TFEB: variants seen among roughly 807,000 people sequenced by gnomAD.
TFEB encodes the protein T-cell transcription factor EB.
A neutral mutation model predicts 48.0 loss-of-function variants in TFEB; 12 were observed. The observed-to-expected ratio is 0.25, with a 90% confidence interval of 0.16 to 0.40. The LOEUF is 0.40. TFEB is among the 10% of genes least tolerant of loss of function. The pLI is 1.00. For synonymous variants in TFEB, 244 were observed against 261.4 expected (o/e 0.93, Z 0.64); for missense variants, 509 against 640.3 (o/e 0.79, Z 2.21).
chr6:41,691,457 GTCT>G lies in TFEB; in HGVS notation c.-22-225_-22-223del. 2 of 712,154 alleles carry G rather than the reference GTCT, an allele frequency of 2.8e-6. No homozygotes were observed. Among genetic ancestry groups the G allele is most frequent in the Non-Finnish European group, 5.2e-6 (2 of 383,146 alleles). 44.1% of individuals were successfully genotyped at this position (712,154 alleles called of 1,614,324 possible). On this transcript the variant is annotated intron_variant, in intron 1 of 8. Transcript: ENST00000373033. This position sits in a 1 kb window ranked among gnomAD's most constrained non-coding sequence, Gnocchi z 5.2. ...TTCCTGGACCAAAACTGAAGGTTCT[GTCT>G]TCTTCACTCATTGCAGTTGGTAAAT...
rs780428161 is a variant in TFEB, at chr6:41,684,682, G to A, written c.1348C>T (p.Leu450Phe). 2 of 1,613,588 alleles carry A rather than the reference G, an allele frequency of 1.2e-6. No individual in the cohort carries two copies. The highest frequency in any genetic ancestry group is 2.2e-5 in the East Asian group (1 of 44,868). ...DSLLPLASDPLLSTMSPEASK... is the reference protein window; with the variant it reads ...DSLLPLASDPFLSTMSPEASK... ...GCCTCGGGGGACATGGTGGACAGAA[G>A]TGGATCAGAGGCCAGCGGTAGCAGT... Residue 450 changes from leucine (L) to phenylalanine (F), a missense_variant, in exon 9 of 9, where the codon CTT (leucine) becomes TTT (phenylalanine). This residue lies in a region of TFEB where 168 missense variants were observed against 161.0 expected (regional missense o/e 1.04). Coordinates refer to ENST00000373033, the MANE Select transcript of TFEB (RefSeq NM_001271944.2).
chr6:41,706,509 C>T (rs1160980753), intron 1 of TFEB, among the ~76,000 whole-genome samples: 5 of 150,962 alleles, frequency 3.3e-5, no homozygotes, highest in African/African-American at 4.9e-5. Context: ...ACCCTTACAC[C>T]CCCCCACCCC....
chr6:41,687,982 T>C lies in TFEB; in HGVS notation c.596A>G (p.Gln199Arg). ...SHLNVYSSDP[Q>R]VTASLVGVTS... The stretch of plus-strand genomic sequence containing the variant: ...GACGCCCACCAGGGAGGCTGTGACC[T>C]GGGGGTCGCTGCTGTACACATTCAG... Residue 199 changes from glutamine to arginine, a missense_variant, in exon 5 of 9, where the codon CAG becomes CGG. Gln to Arg is a conservative substitution (Grantham distance 43, BLOSUM62 1). This residue lies in a region of TFEB where 251 missense variants were observed against 317.2 expected (regional missense o/e 0.79). Coordinates refer to ENST00000373033, the MANE Select transcript of TFEB (RefSeq NM_001271944.2). The C allele has an allele frequency of 5.6e-6, 9 of 1,613,798 alleles. No homozygotes were observed. Among genetic ancestry groups the C allele is most frequent in the Non-Finnish European group, 7.6e-6 (9 of 1,179,912 alleles).
chr6:41,684,672 G>A lies in TFEB; in HGVS notation c.1358C>T (p.Thr453Ile), dbSNP rs1168548008. The change falls in exon 9 of 9, where the codon ACC becomes ATC. Residue 453 changes from threonine (T) to isoleucine (I), a missense_variant. This residue lies in a region of TFEB where 168 missense variants were observed against 161.0 expected (regional missense o/e 1.04). Transcript: ENST00000373033. ...LPLASDPLLS[T>I]MSPEASKASS... is the part of the protein sequence containing the mutation. ...GGCCTTGGAGGCCTCGGGGGACATG[G>A]TGGACAGAAGTGGATCAGAGGCCAG... 3 of 1,613,120 alleles carry A rather than the reference G, an allele frequency of 1.9e-6. No individual in the cohort carries two copies. In the East Asian group the frequency reaches 6.7e-5, roughly 36 times the overall value.
rs2127449445 is a variant in TFEB at position 41,691,602 on chromosome 6, C to T, written c.-22-367G>A. ...TGCCACAAGGTGGGCCCAGCCTATC[C>T]TGGGTCTTACCTGGAATCCCGCAGG... is the stretch of plus-strand genomic sequence containing the variant. On this transcript the variant is annotated intron_variant, in intron 1 of 8. Coordinates refer to ENST00000373033, the MANE Select transcript of TFEB (RefSeq NM_001271944.2). The surrounding 1 kb of genome is among the most constrained non-coding windows in gnomAD (Gnocchi z 5.2). 5 of 438,782 alleles carry T rather than the reference C, an allele frequency of 1.1e-5. No individual in the cohort carries two copies. The highest frequency in any genetic ancestry group is 1.0e-4 in the South Asian group (5 of 48,566). The allele number at this position is 438,782 out of a possible 1,614,324, so 27.2% of individuals were successfully genotyped here.
At chr6:41,688,136 G>T in intron 4 of TFEB, 108 bp from the exon 5 acceptor site, 1 of 1,386,580 alleles carries the variant, frequency 7.2e-7, no homozygotes, top group Non-Finnish European at 9.7e-7. Context: ...CACCTGGAGT[G>T]TCAAAATTCA....
chr6:41,735,790 C>A (rs1771657355), upstream of TFEB, among the ~76,000 whole-genome samples: 1 of 152,192 alleles, frequency 6.6e-6, no homozygotes, highest in Admixed American at 6.5e-5. Context: ...AACCTCTGAT[C>A]CACTTCTACC....
At chr6:41,728,682 AG>A (rs979861592) in intron 1 of TFEB, among the ~76,000 whole-genome samples, 1 of 143,222 alleles carries the variant, frequency 7.0e-6, no homozygotes, top group Non-Finnish European at 1.5e-5. Flanking sequence ...GAACTCGGGG[AG>A]GGGGGGTTGG....
intron 1 of TFEB, among the ~76,000 whole-genome samples, chr6:41,731,708 C>T (rs926546450): frequency 3.3e-5 from 5 of 152,340 alleles, no homozygotes; most frequent in African/African-American, 1.2e-4. Context: ...CCATTCTCAC[C>T]CAATGATCCC....
chr6:41,709,630 G>T (rs1770393641), intron 1 of TFEB, among the ~76,000 whole-genome samples: 1 of 150,978 alleles, frequency 6.6e-6, no homozygotes, highest in Non-Finnish European at 1.5e-5. Context: ...ATAATGGTGG[G>T]TGGATGGATG....
At chr6:41,725,880 G>C (rs1771184571) in intron 1 of TFEB, among the ~76,000 whole-genome samples, 1 of 152,226 alleles carries the variant, frequency 6.6e-6, no homozygotes, top group African/African-American at 2.4e-5. Context: ...AGGAGCAACA[G>C]GAACTCTGTG....
rs776645797 is a variant in TFEB at position 41,690,994 on chromosome 6, G to T, written c.213+7C>A. The T allele has an allele frequency of 5.1e-6, 8 of 1,574,922 alleles. No individual in the cohort carries two copies. In the African/African-American group the frequency reaches 9.4e-5, roughly 19 times the overall value. On this transcript the variant is annotated splice_region_variant and intron_variant, in intron 2 of 8. Transcript: ENST00000373033. The stretch of plus-strand genomic sequence containing the variant: ...CAGGGTGGGGGGCAGGCCAGAACAG[G>T]CCCTACCTTCAACACCTCCCCAGGC...
intron 3 of TFEB, 39 bp downstream of exon 3, chr6:41,690,624 T>C (rs776643122): frequency 6.7e-7 from 1 of 1,487,884 alleles, no homozygotes; most frequent in Non-Finnish European, 8.9e-7. Flanking sequence ...GGGCACGAGC[T>C]CTGCAAGCAG....
Position 41,723,846 on chromosome 6 carries a change from T to C in TFEB, c.-23+11504A>G. 1 of 466,838 alleles carries C rather than the reference T, an allele frequency of 2.1e-6. No homozygotes were observed. Among genetic ancestry groups the C allele is most frequent in the Non-Finnish European group, 4.3e-6 (1 of 232,920 alleles). 28.9% of individuals were successfully genotyped at this position (466,838 alleles called of 1,614,324 possible). On this transcript the variant is annotated intron_variant, in intron 1 of 8. Transcript: ENST00000373033. This position sits in a 1 kb window ranked among gnomAD's most constrained non-coding sequence, Gnocchi z 6.0. ...CTGACCTCAGAGGGCCCTAGGCAGA[T>C]GGAGAGACACAGAGCAGCAAGAATT...
rs982686096 is a variant in TFEB at position 41,691,360 on chromosome 6, A to T, written c.-22-125T>A. On this transcript the variant is annotated intron_variant, in intron 1 of 8. Transcript: ENST00000373033. This position sits in a 1 kb window ranked among gnomAD's most constrained non-coding sequence, Gnocchi z 5.2. ...TTAGAGGAGAAGACACCGAGCCCTG[A>T]GAGGGGAAGAGATTTGCCCAAGGTC... 4.1e-6 allele frequency: 4 copies of T among 982,506 alleles called. No homozygotes were observed. Among genetic ancestry groups the T allele is most frequent in the Non-Finnish European group, 6.4e-6 (4 of 628,498 alleles). The allele number at this position is 982,506 out of a possible 1,614,324, so 60.9% of individuals were successfully genotyped here. A position where few individuals can be genotyped will look rare whatever the true frequency, so the allele number is the denominator to read the frequency against.
rs969157380 is a variant in TFEB at position 41,730,846 on chromosome 6, C to G, written c.-23+4504G>C. ...AGGCCAGATGCTACCCAGGGAAACC[C>G]AAGTGGCAGGGCAGGGGTGGTAGAG... is the stretch of plus-strand genomic sequence containing the variant. On this transcript the variant is annotated intron_variant, in intron 1 of 8. Coordinates refer to ENST00000373033, the MANE Select transcript of TFEB (RefSeq NM_001271944.2). This position sits in a 1 kb window ranked among gnomAD's most constrained non-coding sequence, Gnocchi z 4.1. 6.6e-6 allele frequency among the ~76,000 whole-genome samples: 1 copy of G among 152,188 alleles called. No homozygotes were observed. Among genetic ancestry groups the G allele is most frequent in the African/African-American group, 2.4e-5 (1 of 41,442 alleles).
At chr6:41,696,714 A>G (rs1352705044) in intron 1 of TFEB, among the ~76,000 whole-genome samples, 1 of 152,122 alleles carries the variant, frequency 6.6e-6, no homozygotes, top group Non-Finnish European at 1.5e-5. Context: ...AATAAATAAA[A>G]TAAATTGAAG....
chr6:41,698,124 T>C (rs1278673368), intron 1 of TFEB, among the ~76,000 whole-genome samples: 2 of 152,234 alleles, frequency 1.3e-5, no homozygotes, highest in Non-Finnish European at 2.9e-5. Context: ...TATGTAATTA[T>C]CATAATTATT....
At chr6:41,729,111 C>T (rs1581938882) in intron 1 of TFEB, among the ~76,000 whole-genome samples, 2 of 152,182 alleles carry the variant, frequency 1.3e-5, no homozygotes, top group South Asian at 2.1e-4. Context: ...CTCGCCTCCC[C>T]TGCAGCAGGG....
Sources: gnomAD v4.1 joint callset for allele counts (sites outside exome capture counted in the v4.1 genomes callset) on GRCh38, gnomAD v4.1.1 for gene constraint, gnomAD v4.1.1 regional missense constraint, Gnocchi (gnomAD v3.1) non-coding constraint, MANE v1.5 for transcripts, NCBI Gene and HGNC (gene_info 2026-07-23, HGNC 2026-07-21) for gene names.